The following ZNF705B variants were observed in gnomAD, a reference collection of about 807,000 sequenced individuals.
The protein encoded by ZNF705B is zinc finger protein 705B.
Under a neutral mutation model 10.5 loss-of-function variants are expected in ZNF705B, and 1 was observed. The observed-to-expected ratio is 0.10, with a 90% CI of 0.03 to 0.45. ZNF705B has a LOEUF of 0.45. Ranked by LOEUF, ZNF705B falls within the 20% of genes least tolerant of loss-of-function variation. The pLI is 0.97. For synonymous variants in ZNF705B, 4 were observed against 25.4 expected (o/e 0.16, Z 2.53); for missense variants, 14 against 84.0 (o/e 0.17, Z 3.26).
intron 1 of ZNF705B, among the ~76,000 whole-genome samples, chr8:7,926,699 T>G: frequency 9.0e-6 from 1 of 111,678 alleles, no homozygotes; most frequent in East Asian, 2.5e-4. Context: ...TTTACCCACT[T>G]GGCCCACCAT....
intron 2 of ZNF705B, among the ~76,000 whole-genome samples, chr8:7,936,330 C>A (rs2128943533): frequency 8.3e-6 from 1 of 119,826 alleles, no homozygotes; most frequent in African/African-American, 2.5e-5. Context: ...TTTCGAGAAA[C>A]TTAATACAGA....
At chr8:7,930,919 C>A (rs1458158864) in intron 2 of ZNF705B, among the ~76,000 whole-genome samples, 53 of 129,144 alleles carry the variant, frequency 4.1e-4, no homozygotes, top group African/African-American at 1.3e-3. Context: ...TGCAGTGGCA[C>A]AATTTCAACT....
chr8:7,936,682 G>A (rs1820024602), intron 2 of ZNF705B, among the ~76,000 whole-genome samples: 1 of 118,106 alleles, frequency 8.5e-6, no homozygotes, highest in African/African-American at 2.6e-5. Context: ...AGTGCACATG[G>A]ACATAAAAAT....
chr8:7,931,376 G>A (rs1819843250), intron 2 of ZNF705B, among the ~76,000 whole-genome samples: 1 of 121,924 alleles, frequency 8.2e-6, no homozygotes, highest in African/African-American at 2.5e-5. Flanking sequence ...GTGATGGCAG[G>A]ATGGGAAGTC....
intron 2 of ZNF705B, among the ~76,000 whole-genome samples, chr8:7,940,832 A>T (rs1338569205): frequency 7.3e-6 from 1 of 136,416 alleles, no homozygotes; most frequent in African/African-American, 2.6e-5. Context: ...TTATCCTGAT[A>T]CTCTCCCTCC....
At chr8:7,931,746 T>C (rs1263853405) in intron 2 of ZNF705B, among the ~76,000 whole-genome samples, 2 of 130,860 alleles carry the variant, frequency 1.5e-5, no homozygotes, top group Non-Finnish European at 3.6e-5. Flanking sequence ...CCTGGGAAGG[T>C]GACTCTCCAC....
intron 2 of ZNF705B, among the ~76,000 whole-genome samples, chr8:7,935,996 A>G (rs1345094233): frequency 5.4e-5 from 5 of 91,984 alleles, no homozygotes; most frequent in African/African-American, 1.1e-4. Context: ...ATCACTCTTG[A>G]ACATCCCTCT....
rs544135572 is a variant in ZNF705B, at chr8:7,940,209, G to A, written c.-71-7142G>A. Among the ~76,000 whole-genome samples the A allele has an allele frequency of 2.1e-5, 3 of 144,614 alleles. No individual in the cohort carries two copies. The East Asian group carries it at 6.2e-4, about 30-fold the overall frequency. The allele number at this position is 144,614 out of a possible 152,430, so 94.9% of individuals were successfully genotyped here. A position where few individuals can be genotyped will look rare whatever the true frequency, so the allele number is the denominator to read the frequency against. Reference sequence around the variant, plus strand: ...AAAAAAGCCAAGAGAAAAAAACAAGGGAACATCTACCCCTCCTTTTAAGTT... The same window carrying A: ...AAAAAAGCCAAGAGAAAAAAACAAGAGAACATCTACCCCTCCTTTTAAGTT... On this transcript the variant is annotated intron_variant, in intron 2 of 6. Coordinates refer to ENST00000400120, the MANE Select transcript of ZNF705B (RefSeq NM_001193630.1).
chr8:7,927,414 C>T (rs1819722667), intron 1 of ZNF705B, among the ~76,000 whole-genome samples: 1 of 121,150 alleles, frequency 8.3e-6, no homozygotes, highest in Admixed American at 9.4e-5. Flanking sequence ...TCTCTAATGA[C>T]CAATGATGAT....
intron 4 of ZNF705B, 25 bp downstream of exon 4, chr8:7,949,280 AT>A: frequency 1.3e-6 from 1 of 760,368 alleles, no homozygotes; most frequent in South Asian, 2.0e-5. Context: ...ATTCACGTAC[AT>A]ATGTAGACAC....
chr8:7,944,968 CAAAAAAAA>C (rs61035277), intron 2 of ZNF705B, among the ~76,000 whole-genome samples: 1 of 27,646 alleles, frequency 3.6e-5, no homozygotes, highest in African/African-American at 6.3e-5. Context: ...GAAACTCTAC[CAAAAAAAA>C]AAAAAAAAGA....
chr8:7,935,776 C>T (rs1819997436), intron 2 of ZNF705B, among the ~76,000 whole-genome samples: 1 of 89,968 alleles, frequency 1.1e-5, no homozygotes, highest in Non-Finnish European at 2.9e-5. Context: ...TAAATGTTGA[C>T]CACTTGGTAG....
At chr8:7,935,361 C>T (rs1419081296) in intron 2 of ZNF705B, among the ~76,000 whole-genome samples, 6 of 147,448 alleles carry the variant, frequency 4.1e-5, no homozygotes, top group Non-Finnish European at 9.1e-5. Flanking sequence ...TCATTTATGT[C>T]CTAAGATATC....
intron 2 of ZNF705B, among the ~76,000 whole-genome samples, chr8:7,936,588 G>A (rs1233391257): frequency 8.3e-6 from 1 of 120,052 alleles, no homozygotes; most frequent in African/African-American, 2.5e-5. Flanking sequence ...GATGCAGCTG[G>A]AGGACTTTAT....
intron 2 of ZNF705B, among the ~76,000 whole-genome samples, chr8:7,940,781 G>T (rs9772145): frequency 0.38 from 34,372 of 91,594 alleles, 5,785 homozygotes; most frequent in Admixed American, 0.46. Context: ...CGTTATTATG[G>T]AACACTGAAC....
chr8:7,930,969 C>T (rs1255009326), intron 2 of ZNF705B, among the ~76,000 whole-genome samples: 12 of 126,888 alleles, frequency 9.5e-5, no homozygotes, highest in Middle Eastern at 4.3e-3. Flanking sequence ...AATTCTCCTG[C>T]CTCAGCCTCC....
At chr8:7,945,287 C>CT (rs1156763943) in intron 2 of ZNF705B, among the ~76,000 whole-genome samples, 2 of 24,510 alleles carry the variant, frequency 8.2e-5, no homozygotes, top group Non-Finnish European at 1.0e-4. Context: ...AATATTTGTC[C>CT]TTTTTTGTCC....
chr8:7,928,327 C>G (rs1437231110), intron 1 of ZNF705B, among the ~76,000 whole-genome samples: 1 of 120,852 alleles, frequency 8.3e-6, no homozygotes, highest in Non-Finnish European at 2.0e-5. Flanking sequence ...ACATTCGGGC[C>G]ACAGCACTTC....
intron 1 of ZNF705B, among the ~76,000 whole-genome samples, chr8:7,929,245 A>G (rs1339406860): frequency 8.2e-6 from 1 of 121,934 alleles, no homozygotes; most frequent in African/African-American, 2.5e-5. Flanking sequence ...TCTTGCATGA[A>G]TTCAAAATGC....
Sources: gnomAD v4.1 joint callset for allele counts (sites outside exome capture counted in the v4.1 genomes callset) on GRCh38, gnomAD v4.1.1 for gene constraint, MANE v1.5 for transcripts, NCBI Gene and HGNC (gene_info 2026-07-23, HGNC 2026-07-21) for gene names.